The following ALDOA variants were observed in gnomAD, a reference collection of about 807,000 sequenced individuals.
ALDOA encodes the protein fructose-bisphosphate aldolase A.
A neutral mutation model predicts 43.9 loss-of-function variants in ALDOA; 26 were observed. The observed-to-expected ratio is 0.59, with a 90% CI of 0.43 to 0.82. ALDOA has a LOEUF of 0.82. Among genes scored for constraint, ALDOA ranks in the 40% least tolerant of loss-of-function variants. The pLI, the probability that ALDOA is intolerant of heterozygous loss-of-function variation, is 0.00. For synonymous variants in ALDOA, 258 were observed against 222.6 expected, an observed-to-expected ratio of 1.16 and a Z score of -1.42; for missense variants, 498 against 549.5, an observed-to-expected ratio of 0.91 and a Z score of 0.94.
intron 6 of ALDOA, 71 bp downstream of exon 6, chr16:30,069,049 C>T (rs3134625): frequency 5.6e-6 from 9 of 1,602,708 alleles, no homozygotes; most frequent in Non-Finnish European, 6.0e-6. Flanking sequence ...TTGCCTATTA[C>T]CTGCCATGAT....
chr16:30,069,317 G>T lies in ALDOA; in HGVS notation c.714G>T (p.Val238=). ...YASICQQNGI[V]PIVEPEILPD... ...CCCTCGCCCTGCAGAATGGCATTGT[G>T]CCCATCGTGGAGCCTGAGATCCTCC... The change falls in exon 7 of 10, where the codon GTG becomes GTT. Residue 238 remains valine (V), a synonymous_variant. Transcript: ENST00000642816. 1 of 1,614,192 alleles carries T rather than the reference G, an allele frequency of 6.2e-7. No individual in the cohort carries two copies. The highest frequency in any genetic ancestry group is 8.5e-7 in the Non-Finnish European group (1 of 1,180,040).
Position 30,067,545 on chromosome 16 carries a change from G to C in ALDOA, c.370G>C (p.Val124Leu), listed in dbSNP as rs1278401366. ...GCTGCTGCTGACAGCTGACGACCGCGTGAACCCCTGCATTGGGGGTGTCAT... is the reference window on the plus strand; with the variant it reads ...GCTGCTGCTGACAGCTGACGACCGCCTGAACCCCTGCATTGGGGGTGTCAT... ...RQLLLTADDR[V>L]NPCIGGVILF... is the part of the protein sequence containing the mutation. Residue 124 changes from valine (V) to leucine (L), a missense_variant, in exon 4 of 10, where the codon GTG becomes CTG. Physicochemically the swap from Val to Leu is conservative, Grantham distance 32. Transcript: ENST00000642816. 7 of 1,613,696 alleles carry C rather than the reference G, an allele frequency of 4.3e-6. No individual in the cohort carries two copies. The highest frequency in any genetic ancestry group is 5.9e-6 in the Non-Finnish European group (7 of 1,180,032).
intron 1 of ALDOA, among the ~76,000 whole-genome samples, chr16:30,066,510 G>A (rs2072110352): frequency 6.6e-6 from 1 of 152,240 alleles, no homozygotes; most frequent in South Asian, 2.1e-4. Flanking sequence ...CGATGGCAAA[G>A]CTTACCGCTT....
chr16:30,066,476 G>T (rs1415132538), intron 1 of ALDOA, among the ~76,000 whole-genome samples: 1 of 152,244 alleles, frequency 6.6e-6, no homozygotes, highest in Non-Finnish European at 1.5e-5. Context: ...GCTCCTCCAC[G>T]TTCTTGCCCC....
Position 30,068,898 on chromosome 16 carries a change from AT to A in ALDOA, c.624del (p.Ile208MetfsTer46). ...DFAKWRCVLK[I>X]GEHTPSALAI... ...CGCCAAGTGGCGTTGTGTGCTGAAG[AT>A]TGGGGAACACACCCCCTCAGCCCTC... On this transcript the variant is annotated frameshift_variant, in exon 6 of 10. Coordinates refer to ENST00000642816, the MANE Select transcript of ALDOA (RefSeq NM_001243177.4). LOFTEE classifies it high-confidence loss of function. The A allele has an allele frequency of 6.2e-7, 1 of 1,614,188 alleles. No homozygotes were observed. Among genetic ancestry groups the A allele is most frequent in the Non-Finnish European group, 8.5e-7 (1 of 1,180,032 alleles).
At chr16:30,067,737 TGAATGCTG>T in intron 4 of ALDOA, 76 bp downstream of exon 4, 1 of 1,556,656 alleles carries the variant, frequency 6.4e-7, no homozygotes. Flanking sequence ...AGGCAGGGAA[TGAATGCTG>T]GATTGGTGGC....
chr16:30,068,556 T>G (rs2072201730), intron 4 of ALDOA, 90 bp from the exon 5 acceptor site: 3 of 1,439,622 alleles, frequency 2.1e-6, no homozygotes, highest in African/African-American at 2.8e-5. Flanking sequence ...TGAGCTGAGA[T>G]TCCACCACTG....
At chr16:30,069,232 C>T (rs2072227396) in intron 6 of ALDOA, 74 bp from the exon 7 acceptor site, 4 of 1,522,710 alleles carry the variant, frequency 2.6e-6, no homozygotes, top group Non-Finnish European at 2.7e-6. Context: ...CGGTCTTGAC[C>T]AGTGGCTGTG....
chr16:30,070,348 C>T lies in ALDOA; in HGVS notation c.*136C>T, dbSNP rs191226606. 7.7e-4 allele frequency: 606 copies of T among 789,940 alleles called. 4 individuals are homozygous for T. In the African/African-American group the frequency reaches 8.3e-3, roughly 11 times the overall value. The allele number at this position is 789,940 out of a possible 1,614,324, so 48.9% of individuals were successfully genotyped here. ...CCCTCGTGACAGTGGTGTGTGGTGT[C>T]GTCTGTGAATGCTAAGTCCATCACC... On this transcript the variant is annotated 3_prime_UTR_variant, in exon 10 of 10. Coordinates refer to ENST00000642816, the MANE Select transcript of ALDOA (RefSeq NM_001243177.4).
rs2072267537 is a variant in ALDOA, at chr16:30,070,005, G to A, written c.1137G>A (p.Gln379=). ...GGKKENLKAA[Q]EEYVKRALAN... ...AGAAGGAGAACCTGAAGGCTGCGCA[G>A]GAGGAGTATGTCAAGCGAGCCCTGG... The change falls in exon 9 of 10, where the codon CAG becomes CAA. Residue 379 remains glutamine (Q), a synonymous_variant. Coordinates refer to ENST00000642816, the MANE Select transcript of ALDOA (RefSeq NM_001243177.4). 4 of 1,613,720 alleles carry A rather than the reference G, an allele frequency of 2.5e-6. No individual in the cohort carries two copies. Among genetic ancestry groups the A allele is most frequent in the East Asian group, 2.2e-5 (1 of 44,890 alleles).
chr16:30,067,165 G>GC (rs1314584078), intron 2 of ALDOA, 69 bp from the exon 3 acceptor site: 3 of 1,604,842 alleles, frequency 1.9e-6, no homozygotes, highest in Non-Finnish European at 2.5e-6. Context: ...CAGGAGAGGG[G>GC]CCCTGGTCAT....
In ALDOA at chr16:30,067,792, C is replaced by T; in HGVS notation, c.486+131C>T. 8 of 1,001,156 alleles carry T rather than the reference C, an allele frequency of 8.0e-6. No individual in the cohort carries two copies. The highest frequency in any genetic ancestry group is 1.6e-5 in the African/African-American group (1 of 63,128). 62.0% of individuals were successfully genotyped at this position (1,001,156 alleles called of 1,614,324 possible). A position where few individuals can be genotyped will look rare whatever the true frequency, so the allele number is the denominator to read the frequency against. ...CATGGAGCCTGCTTCAGGCTTAGGG[C>T]ATTTACTCGACATTTTTAATCCTCA... On this transcript the variant is annotated intron_variant, in intron 4 of 9. Transcript: ENST00000642816.
intron 6 of ALDOA, 43 bp from the exon 7 acceptor site, chr16:30,069,263 T>C (rs2151018332): frequency 6.2e-7 from 1 of 1,603,062 alleles, no homozygotes; most frequent in East Asian, 2.2e-5. Flanking sequence ...GGTGGGACTC[T>C]GGGTTAGGAG....
At chr16:30,068,547 G>T in intron 4 of ALDOA, 99 bp from the exon 5 acceptor site, 1 of 1,369,958 alleles carries the variant, frequency 7.3e-7, no homozygotes, top group East Asian at 2.3e-5. Flanking sequence ...AGGCTTCAGT[G>T]AGCTGAGATT....
In ALDOA at chr16:30,067,282, C is replaced by T. The variant is rs1458333807; in HGVS notation, c.190C>T (p.Pro64Ser). Residue 64 changes from proline (P) to serine (S), a missense_variant, in exon 3 of 10, where the codon CCG becomes TCG. By Grantham distance (74) the Pro-to-Ser change is moderately conservative. Transcript: ENST00000642816. ...TMPYQYPALT[P>S]EQKKELSDIA... Reference sequence around the variant, plus strand: ...GCCCTACCAATATCCAGCACTGACCCCGGAGCAGAAGAAGGAGCTGTCTGA... The same window carrying T: ...GCCCTACCAATATCCAGCACTGACCTCGGAGCAGAAGAAGGAGCTGTCTGA... 3.1e-6 allele frequency: 5 copies of T among 1,612,576 alleles called. No homozygotes were observed. Among genetic ancestry groups the T allele is most frequent in the Non-Finnish European group, 4.2e-6 (5 of 1,180,006 alleles).
At chr16:30,065,139 G>A (rs2072055165), upstream of ALDOA, among the ~76,000 whole-genome samples, 2 of 152,224 alleles carry the variant, frequency 1.3e-5, 1 homozygote, top group Admixed American at 1.3e-4. Context: ...GAACTCGGAT[G>A]GGGAGGTCTC....
rs1273198990 is a variant in ALDOA at position 30,068,961 on chromosome 16, GC to G, written c.687del (p.Ser230ValfsTer24). On this transcript the variant is annotated frameshift_variant, in exon 6 of 10. Transcript: ENST00000642816. LOFTEE classifies it high-confidence loss of function. ...MENANVLARY[A>X]SICQQNGIVP... ...AAATGCCAATGTTCTGGCCCGTTAT[GC>G]CAGTATCTGCCAGCAGGTGGGCCTG... 1 of 1,614,228 alleles carries G rather than the reference GC, an allele frequency of 6.2e-7. No homozygotes were observed. The highest frequency in any genetic ancestry group is 1.7e-5 in the Admixed American group (1 of 60,032).
chr16:30,066,818 T>C (rs1336353458), intron 1 of ALDOA, 67 bp from the exon 2 acceptor site: 1 of 1,480,462 alleles, frequency 6.8e-7, no homozygotes, highest in East Asian at 2.5e-5. Context: ...CCCACGAGGG[T>C]GTTGGGCCCT....
intron 6 of ALDOA, 96 bp from the exon 7 acceptor site, chr16:30,069,210 A>G: frequency 1.4e-6 from 2 of 1,444,910 alleles, no homozygotes; most frequent in Non-Finnish European, 1.9e-6. Flanking sequence ...AGTCCCTGGC[A>G]TCATCAAGAT....
Sources: allele counts gnomAD v4.1 joint callset (sites outside exome capture counted in the v4.1 genomes callset), GRCh38; gene constraint gnomAD v4.1.1; transcripts MANE v1.5; gene names NCBI Gene and HGNC (gene_info 2026-07-23, HGNC 2026-07-21).